The following ZC3H7A variants were observed in gnomAD, a reference collection of about 807,000 sequenced individuals.
ZC3H7A encodes the protein zinc finger CCCH domain-containing protein 7A.
ZC3H7A carries 44 observed loss-of-function variants against 125.5 expected under a neutral mutation model. That is an observed-to-expected ratio of 0.35 (90% CI 0.28 to 0.45). The LOEUF (loss-of-function observed/expected upper bound fraction) is 0.45. Among genes scored for constraint, ZC3H7A ranks in the 20% least tolerant of loss-of-function variants. The pLI, the probability that ZC3H7A is intolerant of heterozygous loss-of-function variation, is 1.00. For missense variants in ZC3H7A, 977 were observed against 1,170.7 expected, an observed-to-expected ratio of 0.83 and a Z score of 2.41; for synonymous variants, 399 against 391.2, an observed-to-expected ratio of 1.02 and a Z score of -0.23.
At chr16:11,761,013 A>G (rs1056906686) in intron 19 of ZC3H7A, among the ~76,000 whole-genome samples, 6 of 152,216 alleles carry the variant, frequency 3.9e-5, no homozygotes, top group African/African-American at 1.2e-4. Flanking sequence ...GAGACAAGGC[A>G]TGATAAAAAC....
chr16:11,763,154 C>G (rs185218512), intron 16 of ZC3H7A: 734 of 241,052 alleles, frequency 3.0e-3, no homozygotes, highest in Non-Finnish European at 4.1e-3. Flanking sequence ...ATCACCCAGA[C>G]TGGAGCGTAG....
intron 1 of ZC3H7A, among the ~76,000 whole-genome samples, chr16:11,793,134 C>A (rs1252625099): frequency 4.6e-5 from 7 of 152,122 alleles, no homozygotes; most frequent in Non-Finnish European, 1.0e-4. Context: ...GCCTTACTTA[C>A]AAGATGTACT....
chr16:11,782,558 T>C, intron 1 of ZC3H7A, 170 bp from the exon 2 acceptor site: 3 of 426,508 alleles, frequency 7.0e-6, no homozygotes, highest in Non-Finnish European at 8.6e-6. Flanking sequence ...TCTTTGTGGC[T>C]CCCCTGTGGT....
chr16:11,759,004 T>C (rs901764372), intron 19 of ZC3H7A: 4 of 156,450 alleles, frequency 2.6e-5, no homozygotes, highest in African/African-American at 9.6e-5. Context: ...TAACCAGTAC[T>C]GGAAACTAAC....
At chr16:11,782,563 T>G in intron 1 of ZC3H7A, 175 bp from the exon 2 acceptor site, 2 of 471,126 alleles carry the variant, frequency 4.2e-6, no homozygotes, top group Non-Finnish European at 3.8e-6. Flanking sequence ...GTGGCTCCCC[T>G]GTGGTCCGGC....
At chr16:11,751,903 C>CTTTTTT (rs34041916) in intron 22 of ZC3H7A, among the ~76,000 whole-genome samples, 1 of 128,930 alleles carries the variant, frequency 7.8e-6, no homozygotes. Context: ...ACTGAAAAAC[C>CTTTTTT]TTTTTTTTTT....
intron 19 of ZC3H7A, chr16:11,759,489 A>AT (rs2052705785): frequency 6.6e-6 from 1 of 152,206 alleles, no homozygotes; most frequent in African/African-American, 2.4e-5. Context: ...AATCTTCTGC[A>AT]TAAAGTCAGT....
At chr16:11,766,895 G>T (rs1276611593) in intron 13 of ZC3H7A, among the ~76,000 whole-genome samples, 1 of 151,962 alleles carries the variant, frequency 6.6e-6, no homozygotes, top group East Asian at 1.9e-4. Flanking sequence ...AAAAGAAAAA[G>T]TTAAATACAA....
chr16:11,758,621 A>T (rs2052692279), intron 19 of ZC3H7A, 82 bp from the exon 20 acceptor site: 1 of 908,338 alleles, frequency 1.1e-6, no homozygotes. Flanking sequence ...CAAAAGAAGC[A>T]TTATTATCCA....
chr16:11,760,191 AG>A (rs1284516062), intron 19 of ZC3H7A, among the ~76,000 whole-genome samples: 1 of 152,060 alleles, frequency 6.6e-6, no homozygotes, highest in Non-Finnish European at 1.5e-5. Context: ...GGGAAAAAAA[AG>A]AGGAAATAAG....
intron 1 of ZC3H7A, among the ~76,000 whole-genome samples, chr16:11,792,816 TG>T (rs2053375177): frequency 6.6e-6 from 1 of 152,116 alleles, no homozygotes; most frequent in African/African-American, 2.4e-5. Context: ...CAAAGACGCC[TG>T]GAGGGGAGTG....
At chr16:11,751,888 T>G (rs2052558098) in intron 22 of ZC3H7A, among the ~76,000 whole-genome samples, 1 of 151,696 alleles carries the variant, frequency 6.6e-6, no homozygotes, top group Non-Finnish European at 1.5e-5. Context: ...ATTACTTAGT[T>G]TTTCACTGAA....
chr16:11,776,767 G>A lies in ZC3H7A; in HGVS notation c.449C>T (p.Ser150Phe), dbSNP rs367560083. ...KKAYDAVAKCSLAVPQDEHVI... is the reference protein window; with the variant it reads ...KKAYDAVAKCFLAVPQDEHVI... ...ATTCCATACCTGAGGCACTGCTAAG[G>A]AGCACTTTGCTACAGCATCGTAAGC... The change falls in exon 5 of 23, where the codon TCC becomes TTC. Residue 150 changes from serine (S) to phenylalanine (F), a missense_variant. Coordinates refer to ENST00000355758, the MANE Select transcript of ZC3H7A (RefSeq NM_014153.4). The A allele has an allele frequency of 6.2e-7, 1 of 1,609,394 alleles. No individual in the cohort carries two copies. The highest frequency in any genetic ancestry group is 8.5e-7 in the Non-Finnish European group (1 of 1,178,672).
In ZC3H7A at chr16:11,762,048, A is replaced by C. The variant is rs764502640; in HGVS notation, c.2080-5T>G. The C allele has an allele frequency of 5.7e-6, 9 of 1,583,470 alleles. No homozygotes were observed. In the South Asian group the frequency reaches 1.1e-4, roughly 19 times the overall value. On this transcript the variant is annotated splice_polypyrimidine_tract_variant and splice_region_variant and intron_variant, in intron 17 of 22. Transcript: ENST00000355758. ...CATTATTTGATTACCAAGTACCTTA[A>C]ACAATTAAAAGATTCGTTTTAATTT...
chr16:11,751,654 T>C, intron 22 of ZC3H7A, 148 bp from the exon 23 acceptor site: 1 of 752,474 alleles, frequency 1.3e-6, no homozygotes, highest in Non-Finnish European at 2.1e-6. Context: ...AAATATTTTA[T>C]AGCCATGACA....
intron 4 of ZC3H7A, among the ~76,000 whole-genome samples, chr16:11,778,057 A>G (rs1596396718): frequency 6.6e-6 from 1 of 152,092 alleles, no homozygotes; most frequent in East Asian, 1.9e-4. Context: ...GAAAAAAAGA[A>G]AAAAAAGCAC....
chr16:11,789,616 A>C (rs2053317275), intron 1 of ZC3H7A, among the ~76,000 whole-genome samples: 1 of 152,110 alleles, frequency 6.6e-6, no homozygotes, highest in Non-Finnish European at 1.5e-5. Flanking sequence ...CACTGTCTTT[A>C]TGTAGTATCT....
intron 1 of ZC3H7A, among the ~76,000 whole-genome samples, chr16:11,786,513 T>G (rs940860181): frequency 1.3e-5 from 2 of 152,202 alleles, no homozygotes; most frequent in African/African-American, 4.8e-5. Context: ...CCAGAAAGTG[T>G]TAGAGAACCT....
intron 1 of ZC3H7A, chr16:11,796,193 A>G (rs1356060898): frequency 1.3e-5 from 2 of 152,226 alleles, no homozygotes; most frequent in African/African-American, 4.8e-5. Context: ...GACCATCTCA[A>G]CATGCATTTA....
Sources: allele counts gnomAD v4.1 joint callset (sites outside exome capture counted in the v4.1 genomes callset), GRCh38; gene constraint gnomAD v4.1.1; transcripts MANE v1.5; gene names NCBI Gene and HGNC (gene_info 2026-07-23, HGNC 2026-07-21).